The following CSMD1 variants were observed in gnomAD, a reference collection of about 807,000 sequenced individuals.
CSMD1 encodes the protein CUB and sushi domain-containing protein 1.
Under a neutral mutation model 417.5 loss-of-function variants are expected in CSMD1, and 213 were observed. The observed-to-expected ratio is 0.51, with a 90% CI of 0.46 to 0.57. CSMD1 has a LOEUF of 0.57. Among genes scored for constraint, CSMD1 ranks in the 20% least tolerant of loss-of-function variants. The pLI is 0.00. For missense variants in CSMD1, 6,923 were observed against 4,529.7 expected, an observed-to-expected ratio of 1.53 and a Z score of -15.17; for synonymous variants, 2,862 against 1,736.8, an observed-to-expected ratio of 1.65 and a Z score of -16.11.
chr8:3,038,822 A>G (rs1810875634), intron 50 of CSMD1, among the ~76,000 whole-genome samples: 1 of 152,130 alleles, frequency 6.6e-6, no homozygotes, highest in Admixed American at 6.5e-5. Flanking sequence ...ACGACCTTAA[A>G]CCTTAATGCT....
chr8:4,004,451 T>C (rs1177994795), intron 4 of CSMD1, among the ~76,000 whole-genome samples: 1 of 151,956 alleles, frequency 6.6e-6, no homozygotes, highest in Admixed American at 6.6e-5. Context: ...AAGGCTATTT[T>C]ATAGTAAAAT....
At chr8:3,978,135 C>A (rs1051233825) in intron 5 of CSMD1, among the ~76,000 whole-genome samples, 1 of 152,116 alleles carries the variant, frequency 6.6e-6, no homozygotes, top group Non-Finnish European at 1.5e-5. Flanking sequence ...GCAAGCCCTG[C>A]CCTCAAGAGA....
At chr8:4,792,813 T>C (rs562411508) in intron 1 of CSMD1, among the ~76,000 whole-genome samples, 2 of 152,248 alleles carry the variant, frequency 1.3e-5, no homozygotes, top group East Asian at 1.9e-4. Context: ...ATATTTAAAG[T>C]GACCAAGTGT....
At chr8:4,225,944 A>T (rs1040005697) in intron 3 of CSMD1, among the ~76,000 whole-genome samples, 1 of 152,152 alleles carries the variant, frequency 6.6e-6, no homozygotes, top group African/African-American at 2.4e-5. Context: ...AATTTATTTG[A>T]ATGTGAATTT....
chr8:2,992,339 G>C (rs1441920765), intron 54 of CSMD1, among the ~76,000 whole-genome samples: 1 of 152,174 alleles, frequency 6.6e-6, no homozygotes, highest in Non-Finnish European at 1.5e-5. Context: ...AGAGGTGATG[G>C]TTGCACAACA....
intron 1 of CSMD1, among the ~76,000 whole-genome samples, chr8:4,745,998 G>C (rs1470932943): frequency 2.6e-5 from 4 of 152,164 alleles, no homozygotes; most frequent in African/African-American, 9.7e-5. Context: ...ATATGGTTTA[G>C]AAAAAGAAAA....
intron 37 of CSMD1, 72 bp downstream of exon 37, chr8:3,181,038 T>C (rs1354773542): frequency 3.4e-6 from 3 of 887,628 alleles, no homozygotes; most frequent in African/African-American, 3.4e-5. Context: ...AATAAGAGCA[T>C]GATTTATTTT....
At chr8:3,942,640 T>G (rs756033214) in intron 5 of CSMD1, among the ~76,000 whole-genome samples, 2 of 152,224 alleles carry the variant, frequency 1.3e-5, no homozygotes, top group Non-Finnish European at 2.9e-5. Flanking sequence ...CTGGTTAGCC[T>G]CAGTTTATCT....
rs543014140 is a variant in CSMD1, at chr8:3,071,460, T to C, written c.7474+15637A>G. 2.0e-5 allele frequency among the ~76,000 whole-genome samples: 3 copies of C among 152,212 alleles called. No individual in the cohort carries two copies. The East Asian group carries it at 5.8e-4, about 29-fold the overall frequency. On this transcript the variant is annotated intron_variant, in intron 49 of 69. Coordinates refer to ENST00000635120, the MANE Select transcript of CSMD1 (RefSeq NM_033225.6). The stretch of plus-strand genomic sequence containing the variant: ...ATGCAGCAAACCACCATGGCACATG[T>C]ATGCCTATGTAACAAACCTGCACAT...
intron 3 of CSMD1, among the ~76,000 whole-genome samples, chr8:4,250,768 G>C (rs117908221): frequency 2.6e-5 from 4 of 152,102 alleles, no homozygotes; most frequent in Non-Finnish European, 5.9e-5. Context: ...GTATAAATAT[G>C]CCAGTAACTC....
rs149261781 is a variant in CSMD1 at position 3,057,094 on chromosome 8, T to C, written c.7475-4447A>G. Among the ~76,000 whole-genome samples, 651 of 152,182 alleles carry C rather than the reference T, an allele frequency of 4.3e-3. 3 individuals are homozygous for C. The highest frequency in any genetic ancestry group is 0.015 in the African/African-American group (611 of 41,524). On this transcript the variant is annotated intron_variant, in intron 49 of 69. Transcript: ENST00000635120. The stretch of plus-strand genomic sequence containing the variant: ...GAAGAATAAGTGACTATACAGAAAC[T>C]TCCACAAATATAAGCCATATAATGC...
At chr8:3,719,551 C>A (rs1053868388) in intron 6 of CSMD1, among the ~76,000 whole-genome samples, 6 of 152,184 alleles carry the variant, frequency 3.9e-5, no homozygotes, top group African/African-American at 1.4e-4. Flanking sequence ...TCAGTGACTT[C>A]TTTTGACATG....
intron 10 of CSMD1, among the ~76,000 whole-genome samples, chr8:3,559,165 G>A (rs1799358410): frequency 6.6e-6 from 1 of 152,182 alleles, no homozygotes; most frequent in African/African-American, 2.4e-5. Context: ...ACTTCCATGA[G>A]CTCTCTTTTA....
chr8:4,344,210 A>G (rs2128896704), intron 3 of CSMD1, among the ~76,000 whole-genome samples: 1 of 152,088 alleles, frequency 6.6e-6, no homozygotes, highest in African/African-American at 2.4e-5. Context: ...CTCCATGGAG[A>G]CTTTCCTCTG....
rs1398647001 is a variant in CSMD1, at chr8:4,716,865, A to G, written c.86-79307T>C. Reference sequence around the variant, plus strand: ...TGAAACAACCAAATTTTGTGTGTATATAGATTGAAATTAATTCTCTAGAAG... The same window carrying G: ...TGAAACAACCAAATTTTGTGTGTATGTAGATTGAAATTAATTCTCTAGAAG... On this transcript the variant is annotated intron_variant, in intron 1 of 69. Transcript: ENST00000635120. Among the ~76,000 whole-genome samples, 6 of 152,170 alleles carry G rather than the reference A, an allele frequency of 3.9e-5. No homozygotes were observed. The East Asian group carries it at 7.7e-4, about 20-fold the overall frequency.
At chr8:4,224,456 G>A (rs568884602) in intron 3 of CSMD1, among the ~76,000 whole-genome samples, 1 of 151,632 alleles carries the variant, frequency 6.6e-6, no homozygotes, top group Non-Finnish European at 1.5e-5. Flanking sequence ...CAGAGGCCAG[G>A]TTGGGGAATA....
intron 3 of CSMD1, among the ~76,000 whole-genome samples, chr8:4,400,291 C>A (rs1048715101): frequency 6.6e-6 from 1 of 152,200 alleles, no homozygotes; most frequent in African/African-American, 2.4e-5. Flanking sequence ...AAGATACTAG[C>A]AAATGGGATT....
At chr8:2,974,859 C>T (rs750597305) in intron 55 of CSMD1, among the ~76,000 whole-genome samples, 53 of 152,228 alleles carry the variant, frequency 3.5e-4, no homozygotes, top group Admixed American at 2.6e-4. Context: ...GCTAAGGTAG[C>T]TTTCCTTATG....
rs1348215757 is a variant in CSMD1 at position 3,096,949 on chromosome 8, A to G, written c.7038T>C (p.Thr2346=). 3.2e-6 allele frequency: 5 copies of G among 1,554,562 alleles called. No homozygotes were observed. The African/African-American group carries it at 5.4e-5, about 17-fold the overall frequency. Residue 2346 remains threonine (T), a synonymous_variant, in exon 47 of 70, where the codon ACT becomes ACC. Transcript: ENST00000635120. The part of the protein sequence containing the change: ...GYPGNYFNSQ[T]CSWSIKVEPN... ...GTTCCACTTTAATACTCCAAGAGCA[A>G]GTCTGGGAGTTAAAATAATTACCCG...
Sources: allele counts gnomAD v4.1 joint callset (sites outside exome capture counted in the v4.1 genomes callset), GRCh38; gene constraint gnomAD v4.1.1; transcripts MANE v1.5; gene names NCBI Gene and HGNC (gene_info 2026-07-23, HGNC 2026-07-21).